OR1J2: variants seen among roughly 807,000 people sequenced by gnomAD.
OR1J2 encodes the protein olfactory receptor family 1 subfamily J member 2, also known as olfactory receptor 1J2.
For missense variants in OR1J2, 304 were observed against 246.1 expected (o/e 1.24, Z -1.57); for synonymous variants, 142 against 99.7 (o/e 1.42, Z -2.52).
chr9:122,477,296 A>G, the OR1J2 span: 6 of 1,614,092 alleles, frequency 3.7e-6, no homozygotes, highest in African/African-American at 6.7e-5. Flanking sequence ...ATGCACAGGA[A>G]TGGAAGCATA....
At chr9:122,502,150 A>G in the OR1J2 span, among the ~76,000 whole-genome samples, 1 of 152,374 alleles carries the variant, frequency 6.6e-6, no homozygotes, top group Middle Eastern at 3.4e-3. Context: ...AAAAATTCTG[A>G]TAGTTGAAGC....
the OR1J2 span, chr9:122,475,622 T>C: frequency 2.0e-5 from 3 of 152,180 alleles, no homozygotes; most frequent in African/African-American, 4.8e-5. Context: ...ATATTGATTA[T>C]TATTATTATT....
At chr9:122,451,152 CATTATTATTATTATTATT>C in the OR1J2 span, among the ~76,000 whole-genome samples, 61 of 137,572 alleles carry the variant, frequency 4.4e-4, no homozygotes, top group Middle Eastern at 3.7e-3. Flanking sequence ...CTATCACCTG[CATTATTATTATTATTATT>C]ATTATTATTA....
chr9:122,528,850 G>A, the OR1J2 span, among the ~76,000 whole-genome samples: 1 of 152,178 alleles, frequency 6.6e-6, no homozygotes, highest in Non-Finnish European at 1.5e-5. Flanking sequence ...GGAAGATACG[G>A]TATGAAAACC....
the OR1J2 span, among the ~76,000 whole-genome samples, chr9:122,453,193 A>AGT: frequency 1.3e-5 from 2 of 152,166 alleles, no homozygotes; most frequent in Non-Finnish European, 2.9e-5. Flanking sequence ...ATGCTTGTGC[A>AGT]GTGTGCAGAA....
the OR1J2 span, among the ~76,000 whole-genome samples, chr9:122,492,816 C>T: frequency 6.6e-6 from 1 of 152,134 alleles, no homozygotes; most frequent in South Asian, 2.1e-4. Context: ...TTCAACTTTT[C>T]CCCCTTCAGT....
At chr9:122,465,999 T>C in the OR1J2 span, among the ~76,000 whole-genome samples, 1 of 152,164 alleles carries the variant, frequency 6.6e-6, no homozygotes, top group African/African-American at 2.4e-5. Flanking sequence ...TTCCCAAAGG[T>C]CATGGAGACC....
At chr9:122,463,321 A>G in the OR1J2 span, among the ~76,000 whole-genome samples, 1 of 151,898 alleles carries the variant, frequency 6.6e-6, no homozygotes, top group Non-Finnish European at 1.5e-5. Context: ...AGATTTTTCC[A>G]TTCATATCCT....
the OR1J2 span, among the ~76,000 whole-genome samples, chr9:122,449,433 G>A: frequency 4.6e-5 from 7 of 151,908 alleles, no homozygotes; most frequent in Middle Eastern, 3.2e-3. Flanking sequence ...GCAGTGGTGC[G>A]ATCTCGGCTT....
the OR1J2 span, among the ~76,000 whole-genome samples, chr9:122,481,539 A>G: frequency 3.3e-5 from 5 of 152,220 alleles, no homozygotes; most frequent in Non-Finnish European, 5.9e-5. Context: ...AAAATATGGC[A>G]AAAAATACAA....
chr9:122,527,354 G>C, the OR1J2 span: 1 of 1,027,518 alleles, frequency 9.7e-7, no homozygotes. Context: ...ATCTACAACT[G>C]TGTGGGCTGA....
the OR1J2 span, among the ~76,000 whole-genome samples, chr9:122,543,998 G>T: frequency 6.6e-6 from 1 of 151,996 alleles, no homozygotes; most frequent in Non-Finnish European, 1.5e-5. Flanking sequence ...TTCAACTTTT[G>T]TTAGCCTCAT....
chr9:122,496,321 C>G, the OR1J2 span, among the ~76,000 whole-genome samples: 1 of 152,110 alleles, frequency 6.6e-6, no homozygotes, highest in African/African-American at 2.4e-5. Flanking sequence ...TCTTCAGCTA[C>G]AGGGTGGGTT....
the OR1J2 span, among the ~76,000 whole-genome samples, chr9:122,455,745 GT>G: frequency 6.6e-6 from 1 of 151,962 alleles, no homozygotes; most frequent in Non-Finnish European, 1.5e-5. Context: ...TGTGGCTTGT[GT>G]TTTTGGTGTC....
At chr9:122,540,241 G>T in the OR1J2 span, among the ~76,000 whole-genome samples, 10 of 151,916 alleles carry the variant, frequency 6.6e-5, no homozygotes, top group Admixed American at 5.2e-4. Flanking sequence ...GGGTTTTTAT[G>T]GTTTTAGGTC....
At chr9:122,509,752 T>C (rs1450413769), upstream of OR1J2, among the ~76,000 whole-genome samples, 4 of 152,172 alleles carry the variant, frequency 2.6e-5, no homozygotes, top group Non-Finnish European at 1.5e-5. Flanking sequence ...ATTAAGGTTG[T>C]TACACTCTAA....
the OR1J2 span, chr9:122,567,752 A>G: frequency 6.2e-7 from 1 of 1,614,164 alleles, no homozygotes; most frequent in Non-Finnish European, 8.5e-7. Context: ...GGTAAAAACC[A>G]CAGGTGGAGA....
At chr9:122,488,043 G>A in the OR1J2 span, among the ~76,000 whole-genome samples, 109 of 152,104 alleles carry the variant, frequency 7.2e-4, no homozygotes, top group Non-Finnish European at 1.3e-3. Flanking sequence ...CAAACCTAAA[G>A]CCTGGTTTCA....
the OR1J2 span, among the ~76,000 whole-genome samples, chr9:122,464,770 C>A: frequency 6.6e-6 from 1 of 152,180 alleles, no homozygotes; most frequent in Admixed American, 6.5e-5. Context: ...TCTCAGATTG[C>A]GTTCCCTCCC....
Sources: gnomAD v4.1 joint callset for allele counts (sites outside exome capture counted in the v4.1 genomes callset) on GRCh38, gnomAD v4.1.1 for gene constraint, MANE v1.5 for transcripts, NCBI Gene and HGNC (gene_info 2026-07-23, HGNC 2026-07-21) for gene names.